The following ITSN1 variants were observed in gnomAD, a reference collection of about 807,000 sequenced individuals.
The protein encoded by ITSN1 is intersectin 1.
Under a neutral mutation model 239.8 loss-of-function variants are expected in ITSN1, and 58 were observed. The ratio of observed to expected loss-of-function variants is 0.24; its 90% CI spans 0.20 to 0.30. ITSN1 has a LOEUF of 0.30. Ranked by LOEUF, ITSN1 falls within the 10% of genes least tolerant of loss-of-function variation. The probability of loss-of-function intolerance (pLI) is 1.00; values close to 1 mark genes in which losing one functional copy is unlikely to be tolerated. For synonymous variants in ITSN1, 780 were observed against 770.8 expected (o/e 1.01, Z -0.20); for missense variants, 1,558 against 2,103.3 (o/e 0.74, Z 5.07).
intron 22 of ITSN1, 23 bp from the exon 23 acceptor site, chr21:33,818,244 T>A: frequency 6.3e-7 from 1 of 1,596,970 alleles, no homozygotes; most frequent in Non-Finnish European, 8.6e-7. Flanking sequence ...TAACGAGAGG[T>A]CCTTTATGTT....
In ITSN1 at chr21:33,838,280, C is replaced by T. The variant is rs1395752453; in HGVS notation, c.3661+1648C>T. 2.6e-5 allele frequency: 26 copies of T among 985,282 alleles called. No individual in the cohort carries two copies. In the African/African-American group the frequency reaches 3.8e-4, roughly 15 times the overall value. 61.0% of individuals were successfully genotyped at this position (985,282 alleles called of 1,614,324 possible). On this transcript the variant is annotated intron_variant, in intron 29 of 39. Coordinates refer to ENST00000381318, the MANE Select transcript of ITSN1 (RefSeq NM_003024.3). ...GCTCACTCCCCTCGCGTTCTCCCGG[C>T]GCTGTCGGGAGGCTGTGCTGGTGGT...
rs749185030 is a variant in ITSN1, at chr21:33,772,118, A to G, written c.1100A>G (p.Lys367Arg). 1.7e-5 allele frequency: 27 copies of G among 1,614,116 alleles called. No individual in the cohort carries two copies. Among genetic ancestry groups the G allele is most frequent in the Non-Finnish European group, 2.2e-5 (26 of 1,180,040 alleles). The change falls in exon 12 of 40, where the codon AAA (lysine) becomes AGA (arginine). Residue 367 changes from lysine (K) to arginine (R), a missense_variant. Lys to Arg is a conservative substitution (Grantham distance 26, BLOSUM62 2). Around this residue, in one of 2 missense-constraint regions of ITSN1, gnomAD observed 982 missense variants for 1,209.9 expected, o/e 0.81. Transcript: ENST00000381318. ...GAACGTGGCAACCTGGAACTGGAGA[A>G]ACGAAGGCAAGCTCTCCTGGAACAG... ...NFERGNLELE[K>R]RRQALLEQQR...
rs748400928 is a variant in ITSN1, at chr21:33,755,291, C to T, written c.624-6C>T. ...CCTCTTTCTCTCCTTTTTCTTTTCCCCACAGTGTCCCACCAGTGGCAGAGT... is the reference window on the plus strand; with the variant it reads ...CCTCTTTCTCTCCTTTTTCTTTTCCTCACAGTGTCCCACCAGTGGCAGAGT... On this transcript the variant is annotated splice_polypyrimidine_tract_variant and splice_region_variant and intron_variant, in intron 7 of 39. Coordinates refer to ENST00000381318, the MANE Select transcript of ITSN1 (RefSeq NM_003024.3). 1.9e-6 allele frequency: 3 copies of T among 1,573,482 alleles called. No homozygotes were observed. The highest frequency in any genetic ancestry group is 2.6e-6 in the Non-Finnish European group (3 of 1,150,972).
intron 4 of ITSN1, among the ~76,000 whole-genome samples, chr21:33,733,302 T>C (rs566356730): frequency 6.6e-6 from 1 of 152,168 alleles, no homozygotes; most frequent in South Asian, 2.1e-4. Context: ...AGAAGAGGGA[T>C]TGATTAATAA....
intron 1 of ITSN1, among the ~76,000 whole-genome samples, chr21:33,716,069 G>A (rs1311827235): frequency 6.6e-6 from 1 of 152,124 alleles, no homozygotes; most frequent in Non-Finnish European, 1.5e-5. Context: ...CACAGAGAAA[G>A]ATACCACCTA....
chr21:33,665,781 G>GTA (rs2089891007), intron 1 of ITSN1, among the ~76,000 whole-genome samples: 2 of 152,134 alleles, frequency 1.3e-5, no homozygotes, highest in South Asian at 4.1e-4. Flanking sequence ...TCATATAATG[G>GTA]GATATGATTC....
At chr21:33,719,775 T>C (rs1417422039) in intron 2 of ITSN1, among the ~76,000 whole-genome samples, 1 of 152,236 alleles carries the variant, frequency 6.6e-6, no homozygotes, top group Non-Finnish European at 1.5e-5. Context: ...AACATAAGTT[T>C]GAAACATATC....
intron 36 of ITSN1, among the ~76,000 whole-genome samples, chr21:33,884,327 C>T (rs1052217898): frequency 3.9e-5 from 6 of 152,110 alleles, no homozygotes; most frequent in African/African-American, 1.2e-4. Context: ...AAAGTAATTT[C>T]GGGGTTAATA....
intron 5 of ITSN1, among the ~76,000 whole-genome samples, chr21:33,739,533 T>C (rs1311020371): frequency 6.6e-6 from 1 of 152,076 alleles, no homozygotes; most frequent in Non-Finnish European, 1.5e-5. Context: ...ATAAATACTT[T>C]TAGGTGAGAA....
At chr21:33,856,905 G>A (rs1169445962) in intron 30 of ITSN1, 48 bp downstream of exon 30, 1 of 1,569,436 alleles carries the variant, frequency 6.4e-7, no homozygotes, top group East Asian at 2.2e-5. Flanking sequence ...CGATGACGGA[G>A]GGAGAGGGGA....
intron 16 of ITSN1, among the ~76,000 whole-genome samples, chr21:33,789,009 A>T (rs2070891167): frequency 6.6e-6 from 1 of 152,168 alleles, no homozygotes; most frequent in Non-Finnish European, 1.5e-5. Flanking sequence ...CTATCAGTTT[A>T]CCTTGATTTG....
intron 1 of ITSN1, among the ~76,000 whole-genome samples, chr21:33,712,754 A>C (rs922120343): frequency 2.0e-5 from 3 of 152,182 alleles, no homozygotes; most frequent in Admixed American, 2.0e-4. Flanking sequence ...AACTTTTTAG[A>C]AACTTTTTAC....
chr21:33,765,809 A>T, intron 9 of ITSN1, 66 bp from the exon 10 acceptor site: 1 of 1,546,176 alleles, frequency 6.5e-7, no homozygotes, highest in Non-Finnish European at 8.9e-7. Context: ...CTTTTAAATC[A>T]CTAATGAATA....
chr21:33,795,879 AT>A (rs1427876227), intron 17 of ITSN1, among the ~76,000 whole-genome samples: 2 of 152,052 alleles, frequency 1.3e-5, no homozygotes, highest in Admixed American at 6.6e-5. Context: ...AAAACTGCAA[AT>A]TAACGTCAGA....
At position 33,895,445 on chromosome 21, in the gene ITSN1, G is replaced by GCGTGTA. The variant is rs1376592710; in HGVS notation, c.*7145_*7146insCGTGTA. On this transcript the variant is annotated 3_prime_UTR_variant, in exon 40 of 40. Transcript: ENST00000381318. ...TTTGTGCGTGCGTGTGCATGTATGT[G>GCGTGTA]TTTGTGCGTGCACGTGTGCGTGTGT... is the stretch of plus-strand genomic sequence containing the variant. The GCGTGTA allele has an allele frequency of 6.6e-6, 1 of 151,874 alleles. No individual in the cohort carries two copies. The highest frequency in any genetic ancestry group is 1.5e-5 in the Non-Finnish European group (1 of 68,190). 9.4% of individuals were successfully genotyped at this position (151,874 alleles called of 1,614,324 possible).
chr21:33,762,345 CA>C lies in ITSN1; in HGVS notation c.788+361del, dbSNP rs369302805. ...GCAGTGGTACGATCTCGGCTCACCG[CA>C]ACCTCCACCTCCCGGGTTCAAGCGA... On this transcript the variant is annotated intron_variant, in intron 9 of 39. Transcript: ENST00000381318. Among the ~76,000 whole-genome samples the C allele has an allele frequency of 1.5e-3, 230 of 151,906 alleles. 3 individuals are homozygous for C. The East Asian group carries it at 0.025, about 17-fold the overall frequency.
rs1264132284 is a variant in ITSN1, at chr21:33,892,474, C to G, written c.*4174C>G. 1 of 152,198 alleles carries G rather than the reference C, an allele frequency of 6.6e-6. No individual in the cohort carries two copies. The highest frequency in any genetic ancestry group is 1.5e-5 in the Non-Finnish European group (1 of 68,048). 9.4% of individuals were successfully genotyped at this position (152,198 alleles called of 1,614,324 possible). ...AGTGAGACCAAATGCTTGTGTTTCT[C>G]TATGTTTTCAGTTCATTTGTTCAAA... On this transcript the variant is annotated 3_prime_UTR_variant, in exon 40 of 40. Transcript: ENST00000381318.
intron 29 of ITSN1, 69 bp downstream of exon 29, chr21:33,836,701 T>A: frequency 8.0e-7 from 1 of 1,247,018 alleles, no homozygotes; most frequent in Non-Finnish European, 1.1e-6. Flanking sequence ...AGCATTGCTC[T>A]GATTCTGCTG....
At chr21:33,701,466 G>GT (rs2092006478) in intron 1 of ITSN1, among the ~76,000 whole-genome samples, 1 of 151,914 alleles carries the variant, frequency 6.6e-6, no homozygotes, top group Non-Finnish European at 1.5e-5. Context: ...TTGCATGCTT[G>GT]TTATTTTTAA....
Sources: allele counts gnomAD v4.1 joint callset (sites outside exome capture counted in the v4.1 genomes callset), GRCh38; gene constraint gnomAD v4.1.1; regional missense constraint gnomAD v4.1.1; transcripts MANE v1.5; gene names NCBI Gene and HGNC (gene_info 2026-07-23, HGNC 2026-07-21).